EPHA2: variants seen among roughly 807,000 people sequenced by gnomAD.
EPHA2 encodes EPH receptor A2.
In EPHA2, 54 loss-of-function variants were observed where a neutral mutation model predicts 104.9. That is an observed-to-expected ratio of 0.51 (90% CI 0.41 to 0.65). The LOEUF is 0.65. Ranked by LOEUF, EPHA2 falls within the 30% of genes least tolerant of loss-of-function variation. EPHA2 has a pLI of 0.00. For synonymous variants in EPHA2, 560 were observed against 559.1 expected, an observed-to-expected ratio of 1.00 and a Z score of -0.02; for missense variants, 1,117 against 1,369.5, an observed-to-expected ratio of 0.82 and a Z score of 2.91.
chr1:16,143,819 C>T (rs1045610073), intron 3 of EPHA2, among the ~76,000 whole-genome samples: 3 of 152,174 alleles, frequency 2.0e-5, no homozygotes, highest in Admixed American at 6.5e-5. Flanking sequence ...CCCTGACAGA[C>T]GGCAAATGGC....
At chr1:16,132,557 A>T in intron 11 of EPHA2, 118 bp from the exon 12 acceptor site, 53 of 813,762 alleles carry the variant, frequency 6.5e-5, no homozygotes, top group East Asian at 2.0e-4. Flanking sequence ...GTGTGGGGAG[A>T]GGTGGAACAG....
chr1:16,133,184 G>T lies in EPHA2; in HGVS notation c.2049C>A (p.Ser683=). The change falls in exon 11 of 17, where the codon TCC becomes TCA. Residue 683 remains serine (S), a synonymous_variant. Transcript: ENST00000358432. Reference sequence around the variant, plus strand: ...TGGGCAGGCCCCAAGCCTCACATTTGGAGATGACGCCCTCTAGGCGGATGA... The same window carrying T: ...TGGGCAGGCCCCAAGCCTCACATTTTGAGATGACGCCCTCTAGGCGGATGA... ...HNIIRLEGVI[S]KYKPMMIITE... 6.2e-7 allele frequency: 1 copy of T among 1,613,384 alleles called. No individual in the cohort carries two copies. Among genetic ancestry groups the T allele is most frequent in the Non-Finnish European group, 8.5e-7 (1 of 1,179,868 alleles).
Position 16,130,478 on chromosome 1 carries a change from C to T in EPHA2, c.2476-59G>A. 4 of 1,489,786 alleles carry T rather than the reference C, an allele frequency of 2.7e-6. No homozygotes were observed. The highest frequency in any genetic ancestry group is 3.6e-6 in the Non-Finnish European group (4 of 1,113,350). The allele number at this position is 1,489,786 out of a possible 1,614,324, so 92.3% of individuals were successfully genotyped here. A position where few individuals can be genotyped will look rare whatever the true frequency, so the allele number is the denominator to read the frequency against. ...AGAAAGCCACTGAAACCCTCTGCAG[C>T]CTCCAGCCTATGGAGGTGGGCAGGG... On this transcript the variant is annotated intron_variant, in intron 14 of 16. Transcript: ENST00000358432. This position sits in a 1 kb window ranked among gnomAD's most constrained non-coding sequence, Gnocchi z 4.5.
intron 15 of EPHA2, among the ~76,000 whole-genome samples, chr1:16,129,811 C>T (rs1192694002): frequency 6.6e-6 from 1 of 152,208 alleles, no homozygotes; most frequent in African/African-American, 2.4e-5. Flanking sequence ...CTCCTACTAA[C>T]AGGACCACCA....
intron 5 of EPHA2, among the ~76,000 whole-genome samples, chr1:16,137,063 G>A (rs2024726151): frequency 6.6e-6 from 1 of 151,930 alleles, no homozygotes; most frequent in Non-Finnish European, 1.5e-5. Flanking sequence ...GCCTCCCAAA[G>A]TGCTGGGATT....
At position 16,150,329 on chromosome 1, in the gene EPHA2, C is replaced by G. The variant is rs111472798; in HGVS notation, c.153+567G>C. 3.9e-5 allele frequency among the ~76,000 whole-genome samples: 6 copies of G among 152,296 alleles called. No individual in the cohort carries two copies. The highest frequency in any genetic ancestry group is 1.4e-4 in the African/African-American group (6 of 41,560). ...ACACACACAGCCAGGGGAAGAACCC[C>G]CAGCCCCTGCCCCCATTCCTGGTCA... On this transcript the variant is annotated intron_variant, in intron 2 of 16. Transcript: ENST00000358432. This position sits in a 1 kb window ranked among gnomAD's most constrained non-coding sequence, Gnocchi z 4.8.
rs147715763 is a variant in EPHA2 at position 16,149,185 on chromosome 1, C to T, written c.154-138G>A. On this transcript the variant is annotated intron_variant, in intron 2 of 16. Coordinates refer to ENST00000358432, the MANE Select transcript of EPHA2 (RefSeq NM_004431.5). ...CGGTGAAGGAAACTGAGGCCTGAGG[C>T]GGGTGGGGGCTGCATCCATAAGTGG... The T allele has an allele frequency of 2.8e-3, 2,526 of 916,876 alleles. 39 individuals carry two copies. The African/African-American group carries it at 0.029, about 11-fold the overall frequency. The allele number at this position is 916,876 out of a possible 1,614,324, so 56.8% of individuals were successfully genotyped here.
chr1:16,131,724 G>A lies in EPHA2; in HGVS notation c.2472C>T (p.His824=), dbSNP rs145425916. 86 of 1,614,034 alleles carry A rather than the reference G, an allele frequency of 5.3e-5. No individual in the cohort carries two copies. In the African/African-American group the frequency reaches 7.3e-4, roughly 14 times the overall value. The stretch of plus-strand genomic sequence containing the variant: ...TGGGGAGGGCAAGGGCACCCACCTC[G>A]TGGTTGGACAACTCCCAGTAGGGCC... ...GERPYWELSN[H]EVMKAINDGF... Residue 824 remains histidine (H), a synonymous_variant, in exon 14 of 17, where the codon CAC becomes CAT. Transcript: ENST00000358432. This position sits in a 1 kb window ranked among gnomAD's most constrained non-coding sequence, Gnocchi z 5.2.
In EPHA2 at chr1:16,125,327, G is replaced by GC; in HGVS notation, c.2826-8dup. ...CCCAATCCTCTTGATGTCGCTGTGG[G>GC]CCGGGAGGGAGAGAGGGAGAGTTAG... is the stretch of plus-strand genomic sequence containing the variant. On this transcript the variant is annotated splice_region_variant and splice_polypyrimidine_tract_variant and intron_variant, in intron 16 of 16. Coordinates refer to ENST00000358432, the MANE Select transcript of EPHA2 (RefSeq NM_004431.5). This position sits in a 1 kb window ranked among gnomAD's most constrained non-coding sequence, Gnocchi z 4.9. The GC allele has an allele frequency of 1.2e-6, 2 of 1,610,180 alleles. No homozygotes were observed. Among genetic ancestry groups the GC allele is most frequent in the Non-Finnish European group, 1.7e-6 (2 of 1,177,906 alleles).
At chr1:16,152,961 G>A (rs535574892) in intron 1 of EPHA2, among the ~76,000 whole-genome samples, 2 of 152,256 alleles carry the variant, frequency 1.3e-5, no homozygotes, top group South Asian at 2.1e-4. Context: ...GCCCTGACGC[G>A]GGCGCGGCTC....
Position 16,150,745 on chromosome 1 carries a change from T to C in EPHA2, c.153+151A>G. 1.1e-6 allele frequency: 1 copy of C among 880,892 alleles called. No homozygotes were observed. The highest frequency in any genetic ancestry group is 1.8e-6 in the Non-Finnish European group (1 of 547,500). The allele number at this position is 880,892 out of a possible 1,614,324, so 54.6% of individuals were successfully genotyped here. ...GGCCTGGGCCGGCTGACTCTGAGCC[T>C]GGTGTGAGAAGCTGGACCCTGAGCC... On this transcript the variant is annotated intron_variant, in intron 2 of 16. Transcript: ENST00000358432. The surrounding 1 kb of genome is among the most constrained non-coding windows in gnomAD (Gnocchi z 4.8).
intron 13 of EPHA2, 33 bp downstream of exon 13, chr1:16,132,031 G>A (rs541493207): frequency 1.5e-5 from 24 of 1,613,526 alleles, no homozygotes; most frequent in South Asian, 5.5e-5. Flanking sequence ...GGCGAAGGCC[G>A]CTTCTCCCTT....
chr1:16,134,975 A>T lies in EPHA2; in HGVS notation c.1582+61T>A, dbSNP rs2024652846. 3 of 1,596,150 alleles carry T rather than the reference A, an allele frequency of 1.9e-6. No homozygotes were observed. The Admixed American group carries it at 5.1e-5, about 27-fold the overall frequency. On this transcript the variant is annotated intron_variant, in intron 7 of 16. Coordinates refer to ENST00000358432, the MANE Select transcript of EPHA2 (RefSeq NM_004431.5). The surrounding 1 kb of genome is among the most constrained non-coding windows in gnomAD (Gnocchi z 4.5). ...TATTTGATTCACTTCCTTTCCCAAG[A>T]TGTCTCAATTGCTTGGTTCTGGGCC...
At chr1:16,137,337 G>A (rs56007631) in intron 5 of EPHA2, among the ~76,000 whole-genome samples, 8 of 151,484 alleles carry the variant, frequency 5.3e-5, no homozygotes, top group South Asian at 2.1e-4. Flanking sequence ...AGTGGCTCAC[G>A]CCTGTGATCT....
rs545781017 is a variant in EPHA2 at position 16,131,533 on chromosome 1, T to A, written c.2475+188A>T. 6.6e-6 allele frequency among the ~76,000 whole-genome samples: 1 copy of A among 151,456 alleles called. No individual in the cohort carries two copies. Among genetic ancestry groups the A allele is most frequent in the Admixed American group, 6.6e-5 (1 of 15,236 alleles). Reference sequence around the variant, plus strand: ...AGGTGGAGGTTGCAGTGAACTGAGATCATGCCAGTGAACTCCAGCCTGGGC... The same window carrying A: ...AGGTGGAGGTTGCAGTGAACTGAGAACATGCCAGTGAACTCCAGCCTGGGC... On this transcript the variant is annotated intron_variant, in intron 14 of 16. Coordinates refer to ENST00000358432, the MANE Select transcript of EPHA2 (RefSeq NM_004431.5). The surrounding 1 kb of genome is among the most constrained non-coding windows in gnomAD (Gnocchi z 5.2).
intron 3 of EPHA2, among the ~76,000 whole-genome samples, chr1:16,143,208 A>G (rs1034724251): frequency 2.2e-5 from 3 of 135,744 alleles, no homozygotes; most frequent in African/African-American, 5.6e-5. Context: ...GGATGGATGT[A>G]GGGGTGGATG....
At chr1:16,143,412 A>C (rs899251475) in intron 3 of EPHA2, among the ~76,000 whole-genome samples, 2 of 152,120 alleles carry the variant, frequency 1.3e-5, no homozygotes, top group South Asian at 4.1e-4. Context: ...TGCCTTACAC[A>C]AGAGCCTAAC....
At position 16,147,633 on chromosome 1, in the gene EPHA2, T is replaced by C. The variant is rs141761388; in HGVS notation, c.823+745A>G. 6.5e-3 allele frequency among the ~76,000 whole-genome samples: 990 copies of C among 151,624 alleles called. 11 individuals are homozygous for C. The highest frequency in any genetic ancestry group is 0.022 in the African/African-American group (899 of 41,262). ...TAACAGCCACATTTAAAAGTACTCA[T>C]GTGGCAGGCACTGACCTAAGCACTT... On this transcript the variant is annotated intron_variant, in intron 3 of 16. Transcript: ENST00000358432.
chr1:16,153,800 C>G (rs1348392317), intron 1 of EPHA2, among the ~76,000 whole-genome samples: 1 of 152,098 alleles, frequency 6.6e-6, no homozygotes, highest in African/African-American at 2.4e-5. Flanking sequence ...GAAAAAGGCA[C>G]CTGTGTCCTC....
Sources: gnomAD v4.1 joint callset for allele counts (sites outside exome capture counted in the v4.1 genomes callset) on GRCh38, gnomAD v4.1.1 for gene constraint, Gnocchi (gnomAD v3.1) non-coding constraint, MANE v1.5 for transcripts, NCBI Gene and HGNC (gene_info 2026-07-23, HGNC 2026-07-21) for gene names.